The following MACROD2 variants were observed in gnomAD, a reference collection of about 807,000 sequenced individuals.
The protein encoded by MACROD2 is mono-ADP ribosylhydrolase 2.
A neutral mutation model predicts 70.4 loss-of-function variants in MACROD2; 36 were observed. The observed-to-expected ratio is 0.51, with a 90% CI of 0.39 to 0.68. The LOEUF (loss-of-function observed/expected upper bound fraction) is 0.68. Ranked by LOEUF, MACROD2 falls within the 30% of genes least tolerant of loss-of-function variation. The probability of loss-of-function intolerance (pLI) is 0.00; values close to 1 mark genes in which losing one functional copy is unlikely to be tolerated. For missense variants in MACROD2, 496 were observed against 538.4 expected (o/e 0.92, Z 0.78); for synonymous variants, 172 against 178.8 (o/e 0.96, Z 0.30).
intron 4 of MACROD2, among the ~76,000 whole-genome samples, chr20:14,539,575 A>C (rs771326791): frequency 4.7e-5 from 7 of 148,792 alleles, no homozygotes; most frequent in Non-Finnish European, 1.1e-4. Flanking sequence ...ATATATCAGC[A>C]CTCATGCCAC....
chr20:15,401,221 G>T (rs2045926202), intron 6 of MACROD2, among the ~76,000 whole-genome samples: 2 of 152,004 alleles, frequency 1.3e-5, no homozygotes. Context: ...TGTATTTTTA[G>T]TGGAGACGGG....
intron 5 of MACROD2, among the ~76,000 whole-genome samples, chr20:14,796,533 T>C (rs545648567): frequency 1.3e-5 from 2 of 152,140 alleles, no homozygotes; most frequent in Non-Finnish European, 2.9e-5. Flanking sequence ...GTGGATGTTA[T>C]TGAATTACTT....
At chr20:14,425,439 T>A (rs144906763) in intron 3 of MACROD2, among the ~76,000 whole-genome samples, 1,803 of 152,314 alleles carry the variant, frequency 0.012, 38 homozygotes, top group African/African-American at 0.042. Context: ...TGAAAAGCGA[T>A]CAAGAACTAG....
intron 8 of MACROD2, among the ~76,000 whole-genome samples, chr20:15,671,401 A>G (rs1355943764): frequency 6.6e-6 from 1 of 152,184 alleles, no homozygotes; most frequent in African/African-American, 2.4e-5. Context: ...CATGGCAAAG[A>G]TAAGAATGTA....
intron 8 of MACROD2, among the ~76,000 whole-genome samples, chr20:15,705,127 T>G (rs2050514233): frequency 6.6e-6 from 1 of 152,222 alleles, no homozygotes; most frequent in East Asian, 1.9e-4. Flanking sequence ...TATAAATTGA[T>G]GTGTTTTATT....
In MACROD2 at chr20:16,049,820, T is replaced by C. The variant is rs757367686; in HGVS notation, c.1301-10T>C. 1.9e-6 allele frequency: 3 copies of C among 1,613,388 alleles called. No individual in the cohort carries two copies. Among genetic ancestry groups the C allele is most frequent in the South Asian group, 1.1e-5 (1 of 91,014 alleles). On this transcript the variant is annotated splice_polypyrimidine_tract_variant and intron_variant, in intron 17 of 17. Transcript: ENST00000684519. Reference sequence around the variant, plus strand: ...CTTTAATCTAACAAATGGCTTCTCTTTGTCTTCAGCAGGGGCACAAGATGA... The same window carrying C: ...CTTTAATCTAACAAATGGCTTCTCTCTGTCTTCAGCAGGGGCACAAGATGA...
At chr20:14,212,075 C>T (rs1175558950) in intron 3 of MACROD2, among the ~76,000 whole-genome samples, 1 of 152,142 alleles carries the variant, frequency 6.6e-6, no homozygotes, top group East Asian at 1.9e-4. Flanking sequence ...CAAACATACA[C>T]ACCTGAAACA....
chr20:15,842,312 A>G lies in MACROD2; in HGVS notation c.646-20433A>G, dbSNP rs563880430. ...AGCTGTTGGGAAAGGGACAGCATCC[A>G]GAATGTGAGAATAATAGGCCACAGA... On this transcript the variant is annotated intron_variant, in intron 8 of 17. Coordinates refer to ENST00000684519, the MANE Select transcript of MACROD2 (RefSeq NM_001351661.2). Among the ~76,000 whole-genome samples, 7 of 152,218 alleles carry G rather than the reference A, an allele frequency of 4.6e-5. 1 individual carries two copies. The South Asian group carries it at 8.3e-4, about 18-fold the overall frequency.
intron 8 of MACROD2, among the ~76,000 whole-genome samples, chr20:15,717,886 A>G (rs2146928811): frequency 6.6e-6 from 1 of 152,318 alleles, no homozygotes; most frequent in Admixed American, 6.5e-5. Context: ...AATAGCTGGC[A>G]TGGAAAATGG....
intron 3 of MACROD2, among the ~76,000 whole-genome samples, chr20:14,468,934 A>T (rs1294286165): frequency 6.6e-6 from 1 of 152,102 alleles, no homozygotes; most frequent in African/African-American, 2.4e-5. Flanking sequence ...GCCCATTTAC[A>T]TTTAAGGTTA....
chr20:14,673,731 C>A (rs184191535), intron 4 of MACROD2, among the ~76,000 whole-genome samples: 2 of 151,820 alleles, frequency 1.3e-5, no homozygotes, highest in East Asian at 3.9e-4. Flanking sequence ...CTAGCCTGAC[C>A]AACATGGTAA....
At chr20:15,087,967 T>C (rs1476396653) in intron 5 of MACROD2, among the ~76,000 whole-genome samples, 2 of 152,034 alleles carry the variant, frequency 1.3e-5, no homozygotes, top group Non-Finnish European at 2.9e-5. Context: ...TGAAATTGTG[T>C]TCTTCATTCA....
chr20:14,925,649 T>C (rs1334871670), intron 5 of MACROD2, among the ~76,000 whole-genome samples: 2 of 152,206 alleles, frequency 1.3e-5, no homozygotes, highest in Non-Finnish European at 2.9e-5. Flanking sequence ...TCTAGAAACC[T>C]TGGTCATTCA....
At chr20:15,072,215 G>C (rs554789421) in intron 5 of MACROD2, among the ~76,000 whole-genome samples, 3 of 152,052 alleles carry the variant, frequency 2.0e-5, no homozygotes, top group African/African-American at 7.2e-5. Context: ...TGATTCCTTT[G>C]TTGACAAATA....
chr20:16,045,804 A>G (rs2067371836), intron 17 of MACROD2, among the ~76,000 whole-genome samples: 1 of 152,066 alleles, frequency 6.6e-6, no homozygotes, highest in Non-Finnish European at 1.5e-5. Flanking sequence ...AATCAACCTA[A>G]AAGATATCAC....
At chr20:14,102,281 C>T (rs1453459406) in intron 3 of MACROD2, among the ~76,000 whole-genome samples, 1 of 152,026 alleles carries the variant, frequency 6.6e-6, no homozygotes, top group African/African-American at 2.4e-5. Flanking sequence ...GGATTACAGG[C>T]TTGAGCGACC....
chr20:15,433,901 A>G (rs2046395643), intron 7 of MACROD2, among the ~76,000 whole-genome samples: 1 of 152,108 alleles, frequency 6.6e-6, no homozygotes, highest in Admixed American at 6.6e-5. Context: ...AAATACTTAC[A>G]GCAAACTGAT....
At chr20:14,841,853 T>C (rs2073090758) in intron 5 of MACROD2, among the ~76,000 whole-genome samples, 2 of 152,038 alleles carry the variant, frequency 1.3e-5, no homozygotes, top group African/African-American at 2.4e-5. Context: ...TTTTAAGACT[T>C]TTATTTTGGG....
intron 5 of MACROD2, among the ~76,000 whole-genome samples, chr20:14,953,431 C>A (rs185770297): frequency 2.0e-5 from 3 of 152,012 alleles, no homozygotes; most frequent in Admixed American, 6.6e-5. Flanking sequence ...CTCAGCCTAC[C>A]GAGTAGCTGG....
Sources: allele counts gnomAD v4.1 joint callset (sites outside exome capture counted in the v4.1 genomes callset), GRCh38; gene constraint gnomAD v4.1.1; transcripts MANE v1.5; gene names NCBI Gene and HGNC (gene_info 2026-07-23, HGNC 2026-07-21).